Variants in SORCS2 observed in about 807,000 individuals in gnomAD.
SORCS2 encodes the protein VPS10 domain-containing receptor SorCS2.
SORCS2 carries 100 observed loss-of-function variants against 141.6 expected under a neutral mutation model. The ratio of observed to expected loss-of-function variants is 0.71; its 90% CI spans 0.60 to 0.83. The LOEUF (loss-of-function observed/expected upper bound fraction) is 0.83, where lower values mean the gene tolerates loss of function less well. Ranked by LOEUF, SORCS2 falls within the 40% of genes least tolerant of loss-of-function variation. SORCS2 has a pLI of 0.00. For missense variants in SORCS2, 1,646 were observed against 1,560.2 expected, an observed-to-expected ratio of 1.05 and a Z score of -0.93; for synonymous variants, 789 against 676.9, an observed-to-expected ratio of 1.17 and a Z score of -2.57.
chr4:7,488,865 TGGTTTACATGCTTAAACTTCTGA>T, intron 2 of SORCS2, among the ~76,000 whole-genome samples: 1 of 152,386 alleles, frequency 6.6e-6, no homozygotes, highest in East Asian at 1.9e-4. Context: ...TAAATGAGCC[TGGTTTACATGCTTAAACTTCTGA>T]GGCAGCTAAG....
chr4:7,733,672 A>G (rs1711895906), intron 24 of SORCS2, among the ~76,000 whole-genome samples: 1 of 151,898 alleles, frequency 6.6e-6, no homozygotes, highest in South Asian at 2.1e-4. Context: ...CCCTTCCCCA[A>G]CCCACAGAGC....
chr4:7,305,862 C>A (rs1234846309), intron 1 of SORCS2, among the ~76,000 whole-genome samples: 1 of 152,242 alleles, frequency 6.6e-6, no homozygotes, highest in Non-Finnish European at 1.5e-5. Flanking sequence ...GATGCTGCCT[C>A]TGGCAACTCA....
intron 3 of SORCS2, among the ~76,000 whole-genome samples, chr4:7,540,494 T>A (rs1418380254): frequency 6.6e-6 from 1 of 152,206 alleles, no homozygotes; most frequent in African/African-American, 2.4e-5. Context: ...GTGCAGTAGC[T>A]TGGGAAGTCC....
chr4:7,683,144 A>T (rs1056561546), intron 10 of SORCS2, among the ~76,000 whole-genome samples: 1 of 152,178 alleles, frequency 6.6e-6, no homozygotes, highest in African/African-American at 2.4e-5. Context: ...CAAAACAACA[A>T]CATTTACTCC....
intron 2 of SORCS2, among the ~76,000 whole-genome samples, chr4:7,436,112 C>A (rs773986200): frequency 1.3e-5 from 2 of 152,246 alleles, no homozygotes; most frequent in Non-Finnish European, 2.9e-5. Context: ...TGAGTTCTTG[C>A]AGTGACTTCC....
intron 11 of SORCS2, among the ~76,000 whole-genome samples, chr4:7,696,289 A>T (rs771223019): frequency 8.5e-5 from 13 of 152,080 alleles, no homozygotes; most frequent in Non-Finnish European, 1.6e-4. Flanking sequence ...CATCCTGGAG[A>T]CTTGGACCCC....
At chr4:7,367,032 AG>A (rs1721941523) in intron 1 of SORCS2, among the ~76,000 whole-genome samples, 1 of 152,202 alleles carries the variant, frequency 6.6e-6, no homozygotes, top group Non-Finnish European at 1.5e-5. Flanking sequence ...GCTGCCCCAG[AG>A]GAAGACACCA....
chr4:7,376,066 C>T (rs60843440), intron 1 of SORCS2, among the ~76,000 whole-genome samples: 298 of 152,318 alleles, frequency 2.0e-3, no homozygotes, highest in African/African-American at 6.8e-3. Flanking sequence ...CCAATGCAGG[C>T]AGGTCTGGAA....
intron 2 of SORCS2, among the ~76,000 whole-genome samples, chr4:7,515,198 C>T (rs1410304080): frequency 3.9e-5 from 6 of 152,180 alleles, no homozygotes; most frequent in Non-Finnish European, 7.4e-5. Flanking sequence ...ACAGAAGGGA[C>T]GCCTGAGGTC....
chr4:7,240,832 C>T (rs907425042), intron 1 of SORCS2, among the ~76,000 whole-genome samples: 1 of 152,164 alleles, frequency 6.6e-6, no homozygotes, highest in East Asian at 1.9e-4. Context: ...TGGCTGAAGT[C>T]GGGTGGTTTA....
chr4:7,388,428 G>T (rs998634313), intron 1 of SORCS2, among the ~76,000 whole-genome samples: 2 of 152,154 alleles, frequency 1.3e-5, no homozygotes, highest in Non-Finnish European at 2.9e-5. Flanking sequence ...GAAAGGAGGA[G>T]TCTTCTTTAT....
At chr4:7,326,451 C>T (rs797001938) in intron 1 of SORCS2, among the ~76,000 whole-genome samples, 6 of 151,994 alleles carry the variant, frequency 3.9e-5, no homozygotes, top group East Asian at 1.9e-4. Flanking sequence ...CCGCCCCAGC[C>T]GTGGATCTGC....
intron 1 of SORCS2, among the ~76,000 whole-genome samples, chr4:7,285,875 G>A (rs924717755): frequency 2.6e-5 from 4 of 152,198 alleles, no homozygotes; most frequent in Admixed American, 6.5e-5. Context: ...TGAGGGGGCC[G>A]TTCTCTGATG....
intron 1 of SORCS2, among the ~76,000 whole-genome samples, chr4:7,358,583 G>A (rs563082849): frequency 2.0e-5 from 3 of 152,286 alleles, no homozygotes; most frequent in Non-Finnish European, 2.9e-5. Flanking sequence ...GAAGTATTGC[G>A]CCTTTGACCC....
intron 1 of SORCS2, 48 bp from the exon 2 acceptor site, chr4:7,396,240 C>T: frequency 6.3e-7 from 1 of 1,587,874 alleles, no homozygotes; most frequent in Non-Finnish European, 8.6e-7. Flanking sequence ...TCTTTGAGAA[C>T]CTTGGCACCC....
intron 3 of SORCS2, among the ~76,000 whole-genome samples, chr4:7,571,338 G>A (rs1055913097): frequency 6.6e-5 from 10 of 152,216 alleles, no homozygotes; most frequent in Non-Finnish European, 1.3e-4. Flanking sequence ...AAGGGAAAGG[G>A]CATCCTGGGT....
At chr4:7,238,698 G>C (rs1228707394) in intron 1 of SORCS2, among the ~76,000 whole-genome samples, 2 of 152,190 alleles carry the variant, frequency 1.3e-5, no homozygotes, top group Non-Finnish European at 1.5e-5. Flanking sequence ...CTGCTGCCCT[G>C]CGTGTGTCTG....
At chr4:7,694,027 G>T (rs909540946) in intron 11 of SORCS2, among the ~76,000 whole-genome samples, 1 of 152,232 alleles carries the variant, frequency 6.6e-6, no homozygotes, top group Non-Finnish European at 1.5e-5. Flanking sequence ...GGTGATCGCC[G>T]GTGCTCCCTG....
chr4:7,548,708 C>T (rs1713457848), intron 3 of SORCS2, among the ~76,000 whole-genome samples: 1 of 152,026 alleles, frequency 6.6e-6, no homozygotes, highest in Non-Finnish European at 1.5e-5. Flanking sequence ...GCAGAGAGGG[C>T]ACAGCAACAG....
Sources: allele counts gnomAD v4.1 joint callset (sites outside exome capture counted in the v4.1 genomes callset), GRCh38; gene constraint gnomAD v4.1.1; transcripts MANE v1.5; gene names NCBI Gene and HGNC (gene_info 2026-07-23, HGNC 2026-07-21).